Variants in DLGAP4 observed in about 807,000 individuals in gnomAD.
DLGAP4 encodes the protein disks large-associated protein 4.
Under a neutral mutation model 86.9 loss-of-function variants are expected in DLGAP4, and 18 were observed. The ratio of observed to expected loss-of-function variants is 0.21; its 90% CI spans 0.14 to 0.31. The LOEUF (loss-of-function observed/expected upper bound fraction) is 0.31. Among genes scored for constraint, DLGAP4 ranks in the 10% least tolerant of loss-of-function variants. The pLI is 1.00. For missense variants in DLGAP4, 1,085 were observed against 1,362.6 expected, an observed-to-expected ratio of 0.80 and a Z score of 3.21; for synonymous variants, 548 against 574.3, an observed-to-expected ratio of 0.95 and a Z score of 0.65.
intron 7 of DLGAP4, among the ~76,000 whole-genome samples, chr20:36,476,193 A>G (rs1447088040): frequency 6.6e-6 from 1 of 151,540 alleles, no homozygotes; most frequent in Admixed American, 6.6e-5. Flanking sequence ...CACTAAGTAC[A>G]TTCCCATTGT....
chr20:36,516,028 C>T (rs574133994), intron 10 of DLGAP4, among the ~76,000 whole-genome samples: 5 of 152,224 alleles, frequency 3.3e-5, no homozygotes, highest in Admixed American at 6.5e-5. Context: ...ATCCCAGCAT[C>T]CTAAGTGCAT....
Position 36,308,233 on chromosome 20 carries a change from G to A in DLGAP4, c.-304+1721G>A, listed in dbSNP as rs1243275398. On this transcript the variant is annotated intron_variant, in intron 1 of 12. Transcript: ENST00000339266. The surrounding 1 kb of genome is among the most constrained non-coding windows in gnomAD (Gnocchi z 4.5). ...AACTTCTGGGAGTGTGCCCGTGTGT[G>A]GTGTCCATGGCGACCCCGTACTCAC... 6.6e-6 allele frequency among the ~76,000 whole-genome samples: 1 copy of A among 152,142 alleles called. No homozygotes were observed. The highest frequency in any genetic ancestry group is 2.4e-5 in the African/African-American group (1 of 41,434).
chr20:36,357,609 A>G (rs1022946395), intron 1 of DLGAP4, among the ~76,000 whole-genome samples: 1 of 152,226 alleles, frequency 6.6e-6, no homozygotes, highest in Admixed American at 6.5e-5. Flanking sequence ...TCCAAGGCCC[A>G]AAGACCCCAG....
chr20:36,496,178 G>A (rs1274439012), intron 7 of DLGAP4, among the ~76,000 whole-genome samples: 1 of 152,142 alleles, frequency 6.6e-6, no homozygotes, highest in East Asian at 1.9e-4. Flanking sequence ...GGCCAGATGT[G>A]TTCATTTTTG....
intron 7 of DLGAP4, among the ~76,000 whole-genome samples, chr20:36,470,481 T>TA (rs2034611490): frequency 6.6e-6 from 1 of 151,996 alleles, no homozygotes. Flanking sequence ...CATCTCTGGA[T>TA]ACGTTTTGCT....
At chr20:36,437,212 C>T (rs1411143431) in intron 4 of DLGAP4, among the ~76,000 whole-genome samples, 2 of 152,218 alleles carry the variant, frequency 1.3e-5, no homozygotes, top group East Asian at 3.9e-4. Context: ...CCTCGAAGAG[C>T]CCGGCCAATT....
intron 1 of DLGAP4, among the ~76,000 whole-genome samples, chr20:36,342,673 TG>T (rs1241879754): frequency 2.6e-5 from 4 of 152,182 alleles, no homozygotes; most frequent in Non-Finnish European, 5.9e-5. Context: ...CTCTGCCAAC[TG>T]GAAAGGCTCA....
chr20:36,471,544 C>G (rs1337944458), intron 7 of DLGAP4, among the ~76,000 whole-genome samples: 1 of 152,164 alleles, frequency 6.6e-6, no homozygotes, highest in African/African-American at 2.4e-5. Flanking sequence ...AATCCCAGTG[C>G]TGGCTTGGCT....
At chr20:36,345,487 G>A (rs1211470903) in intron 1 of DLGAP4, among the ~76,000 whole-genome samples, 1 of 152,150 alleles carries the variant, frequency 6.6e-6, no homozygotes, top group Non-Finnish European at 1.5e-5. Context: ...TGAGACTTTG[G>A]GCAGGTCACT....
chr20:36,364,368 A>T (rs1482196333), intron 1 of DLGAP4, among the ~76,000 whole-genome samples: 1 of 152,166 alleles, frequency 6.6e-6, no homozygotes, highest in Admixed American at 6.5e-5. Context: ...GCAACATAGC[A>T]AGACTCCATC....
chr20:36,419,298 T>C (rs558101193), intron 2 of DLGAP4, among the ~76,000 whole-genome samples: 147 of 152,072 alleles, frequency 9.7e-4, no homozygotes, highest in Non-Finnish European at 1.7e-3. Flanking sequence ...AATTTTCTCA[T>C]GCTTTATTTT....
rs529454651 is a variant in DLGAP4, at chr20:36,477,620, A to G, written c.1649-19085A>G. Among the ~76,000 whole-genome samples, 18 of 152,254 alleles carry G rather than the reference A, an allele frequency of 1.2e-4. No homozygotes were observed. The South Asian group carries it at 3.7e-3, about 32-fold the overall frequency. On this transcript the variant is annotated intron_variant, in intron 7 of 12. Transcript: ENST00000339266. ...CACAGGACCCAAGCATAATTCCTTC[A>G]TTAGCTACTTGCTCTAGGATTTGGG...
chr20:36,480,438 C>T (rs981002637), intron 7 of DLGAP4, among the ~76,000 whole-genome samples: 18 of 152,166 alleles, frequency 1.2e-4, no homozygotes, highest in African/African-American at 4.3e-4. Flanking sequence ...AGACCAGTGG[C>T]TCACGCCTGT....
chr20:36,524,826 C>T (rs989643193), intron 11 of DLGAP4, among the ~76,000 whole-genome samples: 7 of 151,916 alleles, frequency 4.6e-5, no homozygotes, highest in South Asian at 4.2e-4. Flanking sequence ...CGCCTGAACC[C>T]GGGAGACAGA....
At chr20:36,447,578 G>C (rs927190466) in intron 7 of DLGAP4, among the ~76,000 whole-genome samples, 1 of 152,014 alleles carries the variant, frequency 6.6e-6, no homozygotes, top group Non-Finnish European at 1.5e-5. Context: ...ATGCCACCAT[G>C]CCTGGCTAAT....
chr20:36,413,112 T>C (rs2032549357), intron 2 of DLGAP4, among the ~76,000 whole-genome samples: 1 of 151,478 alleles, frequency 6.6e-6, no homozygotes, highest in East Asian at 2.0e-4. Flanking sequence ...TCTGAGTAGC[T>C]GGGGTTACAG....
At chr20:36,374,049 A>AG in intron 2 of DLGAP4, among the ~76,000 whole-genome samples, 1 of 150,836 alleles carries the variant, frequency 6.6e-6, no homozygotes, top group African/African-American at 2.4e-5. Flanking sequence ...AAAAAAAAAA[A>AG]GAAAAAGAAA....
At chr20:36,440,011 G>A (rs912922603) in intron 5 of DLGAP4, 143 bp downstream of exon 5, 14 of 725,422 alleles carry the variant, frequency 1.9e-5, no homozygotes, top group South Asian at 8.4e-5. Context: ...TGTTCCTGAA[G>A]CCTCCTGTGT....
chr20:36,414,532 T>C lies in DLGAP4; in HGVS notation c.-72-17114T>C, dbSNP rs539698993. 2.0e-4 allele frequency among the ~76,000 whole-genome samples: 31 copies of C among 152,382 alleles called. No individual in the cohort carries two copies. The South Asian group carries it at 6.2e-3, about 31-fold the overall frequency. ...GGCTGCTGATTCTCCAGCCTGAGTG[T>C]GCAGAAAGCTCAGGATCAGGAGAAC... is the stretch of plus-strand genomic sequence containing the variant. On this transcript the variant is annotated intron_variant, in intron 2 of 12. Transcript: ENST00000339266.
Sources: gnomAD v4.1 joint callset for allele counts (sites outside exome capture counted in the v4.1 genomes callset) on GRCh38, gnomAD v4.1.1 for gene constraint, Gnocchi (gnomAD v3.1) non-coding constraint, MANE v1.5 for transcripts, NCBI Gene and HGNC (gene_info 2026-07-23, HGNC 2026-07-21) for gene names.